SLCO2B1: variants seen among roughly 807,000 people sequenced by gnomAD.
SLCO2B1 encodes the protein solute carrier organic anion transporter family member 2B1.
A neutral mutation model predicts 67.3 loss-of-function variants in SLCO2B1; 41 were observed. That is an observed-to-expected ratio of 0.61 (90% CI 0.47 to 0.79). The LOEUF is 0.79. SLCO2B1 is among the 30% of genes least tolerant of loss of function. The probability of loss-of-function intolerance (pLI) is 0.00; values close to 1 mark genes in which losing one functional copy is unlikely to be tolerated. For synonymous variants in SLCO2B1, 379 were observed against 381.4 expected, an observed-to-expected ratio of 0.99 and a Z score of 0.07; for missense variants, 837 against 920.1, an observed-to-expected ratio of 0.91 and a Z score of 1.17.
Position 75,151,358 on chromosome 11 carries a change from G to A in SLCO2B1, c.-24G>A, listed in dbSNP as rs374954881. On this transcript the variant is annotated 5_prime_UTR_variant, in exon 1 of 14. Transcript: ENST00000289575. ...AGGTCCTGAGATTAAATTAGGGGCT[G>A]GAGCTCACTGCACTCCAGCAGTCAT... 2.7e-5 allele frequency: 44 copies of A among 1,611,770 alleles called. No homozygotes were observed. The highest frequency in any genetic ancestry group is 3.5e-5 in the Non-Finnish European group (41 of 1,178,918).
chr11:75,151,473 C>T (rs374836550), intron 1 of SLCO2B1, 76 bp downstream of exon 1: 24 of 1,529,928 alleles, frequency 1.6e-5, no homozygotes, highest in Non-Finnish European at 1.9e-5. Context: ...AGGGTGAGGC[C>T]GTAGAGCCAG....
intron 1 of SLCO2B1, among the ~76,000 whole-genome samples, chr11:75,155,156 A>G (rs112701624): frequency 6.6e-6 from 1 of 152,072 alleles, no homozygotes; most frequent in African/African-American, 2.4e-5. Flanking sequence ...TCAAGAAACA[A>G]CAGCTGGAGT....
intron 7 of SLCO2B1, among the ~76,000 whole-genome samples, chr11:75,178,353 C>T (rs1950052134): frequency 2.0e-5 from 3 of 152,198 alleles, no homozygotes; most frequent in Admixed American, 2.0e-4. Flanking sequence ...TGCCAAAGCG[C>T]AGGCGCAGTA....
chr11:75,165,430 C>CA (rs56318055), intron 3 of SLCO2B1, among the ~76,000 whole-genome samples: 1,363 of 127,066 alleles, frequency 0.011, 15 homozygotes, highest in African/African-American at 0.03. Flanking sequence ...AATTCCGTCT[C>CA]AAAAAAAAAA....
At chr11:75,177,025 G>T (rs558728730) in intron 7 of SLCO2B1, among the ~76,000 whole-genome samples, 13 of 152,294 alleles carry the variant, frequency 8.5e-5, no homozygotes, top group African/African-American at 3.1e-4. Flanking sequence ...TGCACATAGA[G>T]CTTCCTTTAA....
Position 75,203,806 on chromosome 11 carries a change from C to T in SLCO2B1, c.1949+379C>T, listed in dbSNP as rs190986625. The T allele has an allele frequency of 2.8e-3, 559 of 200,136 alleles. 1 individual carries two copies. Among genetic ancestry groups the T allele is most frequent in the Non-Finnish European group, 4.1e-3 (404 of 98,766 alleles). The allele number at this position is 200,136 out of a possible 1,614,324, so 12.4% of individuals were successfully genotyped here. ...CAGGAGGCCTGGGTTTCAGGCCCAG[C>T]TCTGTCTCCCTCATCATGGGACTTA... On this transcript the variant is annotated intron_variant, in intron 13 of 13. Transcript: ENST00000289575.
At chr11:75,162,607 T>C (rs1949834625) in intron 1 of SLCO2B1, 48 bp from the exon 2 acceptor site, 1 of 1,586,628 alleles carries the variant, frequency 6.3e-7, no homozygotes, top group Non-Finnish European at 8.6e-7. Context: ...GTCAGGGCCA[T>C]TCTCGGGGAT....
chr11:75,159,920 G>T, intron 1 of SLCO2B1: 1 of 954,394 alleles, frequency 1.0e-6, no homozygotes, highest in Non-Finnish European at 1.2e-6. Context: ...CAGGCTCCAT[G>T]AGTGGGCAGG....
At chr11:75,179,706 A>G (rs1221088082) in intron 7 of SLCO2B1, among the ~76,000 whole-genome samples, 3 of 152,158 alleles carry the variant, frequency 2.0e-5, no homozygotes, top group Non-Finnish European at 2.9e-5. Context: ...AAATGTTCCA[A>G]TTATACTCTC....
intron 10 of SLCO2B1, among the ~76,000 whole-genome samples, chr11:75,197,551 A>G (rs1214320667): frequency 6.6e-6 from 1 of 152,256 alleles, no homozygotes; most frequent in Non-Finnish European, 1.5e-5. Context: ...CTTGAATGCC[A>G]GGCCAAGAGT....
At chr11:75,172,251 A>G (rs1949969154) in intron 6 of SLCO2B1, 128 bp from the exon 7 acceptor site, 1 of 774,578 alleles carries the variant, frequency 1.3e-6, no homozygotes, top group African/African-American at 1.8e-5. Context: ...GGCAGAGCAG[A>G]CTGGAACTCA....
In SLCO2B1 at chr11:75,172,531, C is replaced by T. The variant is rs1440864317; in HGVS notation, c.934C>T (p.Arg312Ter). 31 of 1,614,138 alleles carry T rather than the reference C, an allele frequency of 1.9e-5. No individual in the cohort carries two copies. Among genetic ancestry groups the T allele is most frequent in the Middle Eastern group, 1.7e-4 (1 of 6,060 alleles). ...PKEKRELQFR[R>*]KVLAVTDSPA... ...GGAAAAACGTGAGCTTCAGTTTCGGCGAAAGGTCTTAGCAGTCACAGACTC... is the reference window on the plus strand; with the variant it reads ...GGAAAAACGTGAGCTTCAGTTTCGGTGAAAGGTCTTAGCAGTCACAGACTC... Residue 312 changes from arginine to a stop codon, truncating the protein, a stop_gained, in exon 7 of 14, where the codon CGA (arginine) becomes TGA (stop). Transcript: ENST00000289575. LOFTEE classifies it high-confidence loss of function.
rs546312979 is a variant in SLCO2B1 at position 75,195,435 on chromosome 11, G to T, written c.1434-1079G>T. ...CAAGCACTGTCTGGCAGAGGAGGAA[G>T]AGGAAATATTTTGTGGCTGATGATC... On this transcript the variant is annotated intron_variant, in intron 9 of 13. Transcript: ENST00000289575. Among the ~76,000 whole-genome samples the T allele has an allele frequency of 2.0e-4, 30 of 152,130 alleles. No individual in the cohort carries two copies. The South Asian group carries it at 6.2e-3, about 32-fold the overall frequency.
intron 4 of SLCO2B1, among the ~76,000 whole-genome samples, chr11:75,167,018 G>C (rs1398090074): frequency 1.3e-5 from 2 of 152,198 alleles, no homozygotes; most frequent in East Asian, 3.9e-4. Context: ...GCGTGAGCAC[G>C]GGCAACTCTG....
chr11:75,165,667 A>AT (rs1949880059), intron 3 of SLCO2B1, 120 bp from the exon 4 acceptor site: 1 of 1,174,906 alleles, frequency 8.5e-7, no homozygotes, highest in Non-Finnish European at 1.2e-6. Context: ...GACCCAGATG[A>AT]TTTTTATTCA....
intron 3 of SLCO2B1, 141 bp downstream of exon 3, chr11:75,164,241 G>C: frequency 1.1e-6 from 1 of 918,852 alleles, no homozygotes. Context: ...GCGCCTGCCT[G>C]AAACCTCAGA....
intron 7 of SLCO2B1, among the ~76,000 whole-genome samples, chr11:75,181,021 GT>G (rs1950085389): frequency 6.6e-6 from 1 of 152,274 alleles, no homozygotes; most frequent in East Asian, 1.9e-4. Flanking sequence ...TGGTTCTGAG[GT>G]TTCTGGTAGC....
chr11:75,197,800 C>T (rs1945123109), intron 10 of SLCO2B1, among the ~76,000 whole-genome samples: 3 of 152,322 alleles, frequency 2.0e-5, no homozygotes, highest in South Asian at 2.1e-4. Flanking sequence ...CCAAGGGGCC[C>T]AGTGGGGAAA....
intron 10 of SLCO2B1, among the ~76,000 whole-genome samples, chr11:75,199,189 C>T (rs183221510): frequency 6.6e-6 from 1 of 152,104 alleles, no homozygotes; most frequent in Admixed American, 6.5e-5. Context: ...AGGGGTCACA[C>T]AGCTTGTGTG....
Sources: allele counts gnomAD v4.1 joint callset (sites outside exome capture counted in the v4.1 genomes callset), GRCh38; gene constraint gnomAD v4.1.1; transcripts MANE v1.5; gene names NCBI Gene and HGNC (gene_info 2026-07-23, HGNC 2026-07-21).